Variants in FAT3 observed in about 807,000 individuals in gnomAD.
FAT3 encodes FAT atypical cadherin 3.
In FAT3, 95 loss-of-function variants were observed where a neutral mutation model predicts 310.2. The observed-to-expected ratio is 0.31, with a 90% CI of 0.26 to 0.36. FAT3 has a LOEUF of 0.36. Among genes scored for constraint, FAT3 ranks in the 10% least tolerant of loss-of-function variants. The pLI is 1.00. For missense variants in FAT3, 5,408 were observed against 5,715.6 expected (o/e 0.95, Z 1.74); for synonymous variants, 2,314 against 2,192.9 (o/e 1.06, Z -1.54).
intron 10 of FAT3, among the ~76,000 whole-genome samples, chr11:92,803,027 C>G (rs1306586136): frequency 3.8e-5 from 2 of 52,268 alleles, no homozygotes; most frequent in Non-Finnish European, 1.0e-4. Context: ...TATCTGAGAC[C>G]TCTTTTTTGA....
chr11:92,516,704 T>C (rs1953498644), intron 2 of FAT3, among the ~76,000 whole-genome samples: 1 of 152,202 alleles, frequency 6.6e-6, no homozygotes, highest in Non-Finnish European at 1.5e-5. Context: ...AAATTGTCTC[T>C]GTTTGCAAAT....
chr11:92,796,377 A>G (rs1018309129), intron 9 of FAT3, among the ~76,000 whole-genome samples: 1 of 152,230 alleles, frequency 6.6e-6, no homozygotes, highest in Non-Finnish European at 1.5e-5. Context: ...CCTCTTTATT[A>G]GATATACTTT....
chr11:92,764,519 A>T (rs1356937449), intron 5 of FAT3, among the ~76,000 whole-genome samples: 1 of 152,166 alleles, frequency 6.6e-6, no homozygotes, highest in African/African-American at 2.4e-5. Context: ...TCACCACCAG[A>T]GGTGAGGCTT....
intron 3 of FAT3, among the ~76,000 whole-genome samples, chr11:92,630,469 T>A (rs1350720319): frequency 6.6e-6 from 1 of 152,230 alleles, no homozygotes; most frequent in Non-Finnish European, 1.5e-5. Context: ...CATAGATATC[T>A]CTGTGTGCTG....
chr11:92,697,261 G>A (rs941108552), intron 3 of FAT3, 123 bp from the exon 4 acceptor site: 9 of 679,600 alleles, frequency 1.3e-5, no homozygotes, highest in East Asian at 2.8e-5. Context: ...GATTGTCATG[G>A]GGGATTGGAA....
chr11:92,307,874 C>T (rs893122128), intron 1 of FAT3, among the ~76,000 whole-genome samples: 1 of 152,060 alleles, frequency 6.6e-6, no homozygotes, highest in African/African-American at 2.4e-5. Flanking sequence ...CTCTTTATAA[C>T]CTTTAGTACC....
intron 1 of FAT3, among the ~76,000 whole-genome samples, chr11:92,310,810 C>T (rs986660405): frequency 6.6e-6 from 1 of 151,750 alleles, no homozygotes; most frequent in Non-Finnish European, 1.5e-5. Context: ...TGTATCATGA[C>T]GAGTAGTTTC....
intron 3 of FAT3, among the ~76,000 whole-genome samples, chr11:92,672,630 A>G (rs978736907): frequency 1.3e-5 from 2 of 152,194 alleles, no homozygotes; most frequent in African/African-American, 4.8e-5. Flanking sequence ...TGGGTGATAC[A>G]CAGATACACA....
chr11:92,494,881 C>G (rs1202100831), intron 2 of FAT3, among the ~76,000 whole-genome samples: 2 of 152,052 alleles, frequency 1.3e-5, no homozygotes, highest in African/African-American at 4.8e-5. Context: ...AATCCCAACA[C>G]ATTAATAACC....
intron 13 of FAT3, among the ~76,000 whole-genome samples, chr11:92,818,976 A>G (rs1947892237): frequency 1.3e-5 from 2 of 152,236 alleles, no homozygotes; most frequent in African/African-American, 4.8e-5. Flanking sequence ...ATGGCTAATA[A>G]CATCTGCTTT....
intron 2 of FAT3, among the ~76,000 whole-genome samples, chr11:92,477,371 A>C (rs1952076989): frequency 6.6e-6 from 1 of 152,222 alleles, no homozygotes; most frequent in Non-Finnish European, 1.5e-5. Context: ...TAATTTAGGG[A>C]ATCAAGTAAT....
chr11:92,524,521 T>G (rs1591400037), intron 2 of FAT3, 113 bp from the exon 3 acceptor site: 1 of 884,896 alleles, frequency 1.1e-6, no homozygotes, highest in Non-Finnish European at 1.7e-6. Flanking sequence ...TGTTATGGAT[T>G]TGGGTGTTTT....
chr11:92,832,475 C>T (rs567392552), intron 14 of FAT3, among the ~76,000 whole-genome samples: 1 of 152,210 alleles, frequency 6.6e-6, no homozygotes, highest in South Asian at 2.1e-4. Flanking sequence ...GCAGGGCCCA[C>T]ATTCAGACCA....
intron 1 of FAT3, among the ~76,000 whole-genome samples, chr11:92,342,882 C>T (rs557654534): frequency 6.6e-6 from 1 of 151,566 alleles, no homozygotes; most frequent in African/African-American, 2.4e-5. Context: ...CCTCTCCTTA[C>T]TTTTTTTTTC....
Position 92,883,171 on chromosome 11 carries a change from C to T in FAT3, c.12715C>T (p.Pro4239Ser), listed in dbSNP as rs948202155. 4 of 1,613,424 alleles carry T rather than the reference C, an allele frequency of 2.5e-6. No homozygotes were observed. Among genetic ancestry groups the T allele is most frequent in the South Asian group, 2.2e-5 (2 of 91,096 alleles). Residue 4239 changes from proline to serine, a missense_variant, in exon 24 of 28, where the codon CCC (proline) becomes TCC (serine). Pro to Ser is a moderately conservative substitution (Grantham distance 74, BLOSUM62 -1). Around this residue, in one of 5 missense-constraint regions of FAT3, gnomAD observed 649 missense variants for 666.2 expected, o/e 0.97. Coordinates refer to ENST00000525166, the MANE Select transcript of FAT3 (RefSeq NM_001367949.2). The surrounding 1 kb of genome is among the most constrained non-coding windows in gnomAD (Gnocchi z 4.2). ...QVPVRPMAYT[P>S]CFQSDSRSNL... ...CCCCGTGCGCCCCATGGCCTACACACCCTGCTTCCAGAGTGACTCCAGGAG... is the reference window on the plus strand; with the variant it reads ...CCCCGTGCGCCCCATGGCCTACACATCCTGCTTCCAGAGTGACTCCAGGAG...
intron 2 of FAT3, among the ~76,000 whole-genome samples, chr11:92,492,541 C>A (rs962997052): frequency 4.6e-5 from 7 of 152,006 alleles, no homozygotes; most frequent in Admixed American, 4.6e-4. Context: ...ATTATTATTG[C>A]TACTATGACA....
chr11:92,525,446 A>C (rs1953829472), intron 3 of FAT3, among the ~76,000 whole-genome samples: 1 of 152,244 alleles, frequency 6.6e-6, no homozygotes, highest in South Asian at 2.1e-4. Context: ...CAATTTTTAC[A>C]TAAAATATGT....
chr11:92,619,185 A>G lies in FAT3; in HGVS notation c.3608-78199A>G, dbSNP rs183205926. On this transcript the variant is annotated intron_variant, in intron 3 of 27. Coordinates refer to ENST00000525166, the MANE Select transcript of FAT3 (RefSeq NM_001367949.2). ...AGCCAACTTTGTATTTGTGGGAGAA[A>G]GCCCAATTAACCATGTTGTATAACC... Among the ~76,000 whole-genome samples, 465 of 152,302 alleles carry G rather than the reference A, an allele frequency of 3.1e-3. 1 individual carries two copies. The highest frequency in any genetic ancestry group is 3.2e-3 in the Non-Finnish European group (215 of 68,010).
chr11:92,380,508 G>A (rs1029025898), intron 2 of FAT3, among the ~76,000 whole-genome samples: 4 of 152,152 alleles, frequency 2.6e-5, no homozygotes, highest in Non-Finnish European at 5.9e-5. Flanking sequence ...ATGAGGCGGT[G>A]CCCATGTGTC....
Sources: allele counts gnomAD v4.1 joint callset (sites outside exome capture counted in the v4.1 genomes callset), GRCh38; gene constraint gnomAD v4.1.1; regional missense constraint gnomAD v4.1.1; non-coding constraint Gnocchi (gnomAD v3.1); transcripts MANE v1.5; gene names NCBI Gene and HGNC (gene_info 2026-07-23, HGNC 2026-07-21).